ANXA4: variants seen among roughly 807,000 people sequenced by gnomAD.
ANXA4 encodes the protein annexin A4.
A neutral mutation model predicts 49.8 loss-of-function variants in ANXA4; 39 were observed. The ratio of observed to expected loss-of-function variants is 0.78; its 90% CI spans 0.61 to 1.02. ANXA4 has a LOEUF of 1.02. ANXA4 is among the 50% of genes least tolerant of loss of function. The pLI is 0.00. For synonymous variants in ANXA4, 134 were observed against 152.5 expected (o/e 0.88, Z 0.89); for missense variants, 360 against 410.1 (o/e 0.88, Z 1.05).
At chr2:69,687,905 A>G (rs1677844753) in intron 2 of ANXA4, among the ~76,000 whole-genome samples, 2 of 152,258 alleles carry the variant, frequency 1.3e-5, no homozygotes, top group Non-Finnish European at 2.9e-5. Context: ...TTGAGTCCAT[A>G]AACACGTCAG....
At chr2:69,713,492 T>C (rs1369278592) in intron 2 of ANXA4, 1 of 152,202 alleles carries the variant, frequency 6.6e-6, no homozygotes, top group East Asian at 1.9e-4. Context: ...TAAAAACACT[T>C]CTACCATAGC....
intron 3 of ANXA4, among the ~76,000 whole-genome samples, chr2:69,793,500 G>A (rs1471916845): frequency 6.6e-6 from 1 of 151,566 alleles, no homozygotes; most frequent in Non-Finnish European, 1.5e-5. Context: ...TTTTTTAATA[G>A]GCATTACACA....
chr2:69,822,910 A>G (rs994563041), intron 12 of ANXA4, among the ~76,000 whole-genome samples: 2 of 152,058 alleles, frequency 1.3e-5, no homozygotes, highest in South Asian at 4.1e-4. Context: ...GACAAATTAT[A>G]TATATATATT....
rs141876593 is a variant in ANXA4 at position 69,800,354 on chromosome 2, A to G, written c.98-4179A>G. The stretch of plus-strand genomic sequence containing the variant: ...CCATGTTACATTCAGAATTATCAGC[A>G]TAAAGGGTGAGGAGACATTTGGCAC... On this transcript the variant is annotated intron_variant, in intron 3 of 12. Coordinates refer to ENST00000394295, the MANE Select transcript of ANXA4 (RefSeq NM_001153.5). Among the ~76,000 whole-genome samples, 641 of 152,280 alleles carry G rather than the reference A, an allele frequency of 4.2e-3. 5 individuals carry two copies. Among genetic ancestry groups the G allele is most frequent in the African/African-American group, 0.013 (546 of 41,544 alleles).
At chr2:69,725,090 A>G (rs1355678930) in intron 3 of ANXA4, among the ~76,000 whole-genome samples, 2 of 152,136 alleles carry the variant, frequency 1.3e-5, no homozygotes, top group African/African-American at 4.8e-5. Flanking sequence ...AACCCAGGAG[A>G]CGCAGGTCAA....
Position 69,706,594 on chromosome 2 carries a change from G to T in ANXA4, n.767-14180G>T, listed in dbSNP as rs775347664. Among the ~76,000 whole-genome samples the T allele has an allele frequency of 1.4e-4, 21 of 152,126 alleles. 1 individual carries two copies. Among genetic ancestry groups the T allele is most frequent in the Admixed American group, 5.2e-4 (8 of 15,256 alleles). ...TGGGATTACAGGCATGAGCCACCGC[G>T]CCCAGTCGGTACAATTCCTAATAAT... On this transcript the variant is annotated intron_variant and non_coding_transcript_variant, in intron 2 of 3. Transcript: ENST00000418066.
At chr2:69,675,700 A>G (rs1329626534) in intron 2 of ANXA4, among the ~76,000 whole-genome samples, 1 of 152,144 alleles carries the variant, frequency 6.6e-6, no homozygotes, top group Non-Finnish European at 1.5e-5. Context: ...GTGGGGATAG[A>G]TGATGATTCA....
At chr2:69,663,620 G>A (rs1474258511) in intron 2 of ANXA4, among the ~76,000 whole-genome samples, 8 of 151,792 alleles carry the variant, frequency 5.3e-5, no homozygotes, top group African/African-American at 1.7e-4. Flanking sequence ...TCATGCCTGT[G>A]AACAGCCACT....
chr2:69,769,502 AG>A (rs1193843020), intron 1 of ANXA4, among the ~76,000 whole-genome samples: 1 of 152,188 alleles, frequency 6.6e-6, no homozygotes, highest in Non-Finnish European at 1.5e-5. Context: ...ATTGTCCCAG[AG>A]GTTATTGAGT....
rs1283241929 is a variant in ANXA4 at position 69,750,675 on chromosome 2, A to G, written c.-47+8500A>G. 2.0e-5 allele frequency among the ~76,000 whole-genome samples: 3 copies of G among 152,164 alleles called. 1 individual carries two copies. The highest frequency in any genetic ancestry group is 4.1e-4 in the South Asian group (2 of 4,832). On this transcript the variant is annotated intron_variant, in intron 1 of 12. Coordinates refer to ENST00000394295, the MANE Select transcript of ANXA4 (RefSeq NM_001153.5). ...GCCATCTGCCTGCTTCAGCCTCCCA[A>G]AGTGCTGGGATGACAAGCATGAGCC...
chr2:69,713,931 T>C (rs1180919899), intron 2 of ANXA4: 1 of 152,300 alleles, frequency 6.6e-6, no homozygotes, highest in Non-Finnish European at 1.5e-5. Context: ...TCGGACTCCC[T>C]GCCGTGAAGA....
At chr2:69,774,699 G>A (rs1671896326) in intron 1 of ANXA4, among the ~76,000 whole-genome samples, 1 of 152,164 alleles carries the variant, frequency 6.6e-6, no homozygotes, top group Non-Finnish European at 1.5e-5. Context: ...ATATTCAGCA[G>A]ACAAATACCC....
At chr2:69,708,913 T>C (rs1366583754) in intron 2 of ANXA4, among the ~76,000 whole-genome samples, 2 of 149,748 alleles carry the variant, frequency 1.3e-5, no homozygotes, top group African/African-American at 2.5e-5. Context: ...GCTACCAAAC[T>C]TAAAAAAAAA....
intron 3 of ANXA4, among the ~76,000 whole-genome samples, chr2:69,803,925 G>T (rs186879149): frequency 6.3e-4 from 96 of 152,186 alleles, no homozygotes; most frequent in Middle Eastern, 3.4e-3. Flanking sequence ...ATCATTTGAG[G>T]TCAGGAGCTC....
In ANXA4 at chr2:69,742,496, A is replaced by C. The variant is rs1670437816; in HGVS notation, c.-47+321A>C. Among the ~76,000 whole-genome samples the C allele has an allele frequency of 2.0e-5, 3 of 152,352 alleles. No individual in the cohort carries two copies. The South Asian group carries it at 6.2e-4, about 32-fold the overall frequency. ...ATTCAGTCCATGTGCTAGGCTTTGC[A>C]TCAAAAAGAAAGGACCGAGATAATC... On this transcript the variant is annotated intron_variant, in intron 1 of 12. Coordinates refer to ENST00000394295, the MANE Select transcript of ANXA4 (RefSeq NM_001153.5).
chr2:69,661,535 C>T (rs1364564614), intron 2 of ANXA4, among the ~76,000 whole-genome samples: 1 of 152,016 alleles, frequency 6.6e-6, no homozygotes, highest in South Asian at 2.1e-4. Context: ...CTTGTCACTG[C>T]ACTCCAGCCT....
In ANXA4 at chr2:69,804,612, G is replaced by A. The variant is rs768030627; in HGVS notation, c.177G>A (p.Lys59=). 6.2e-7 allele frequency: 1 copy of A among 1,613,226 alleles called. No homozygotes were observed. Among genetic ancestry groups the A allele is most frequent in the African/African-American group, 1.3e-5 (1 of 74,906 alleles). ...AQRQEIRTAY[K]STIGRDLIDD... ...GCCAGGAGATCAGGACAGCCTACAA[G>A]AGCACCATCGGCAGGGTAGGCCACA... Residue 59 remains lysine, a synonymous_variant, in exon 4 of 13, where the codon AAG becomes AAA. Coordinates refer to ENST00000394295, the MANE Select transcript of ANXA4 (RefSeq NM_001153.5).
At chr2:69,740,434 T>TTTTTG (rs1296527029), upstream of ANXA4, among the ~76,000 whole-genome samples, 3 of 151,920 alleles carry the variant, frequency 2.0e-5, no homozygotes, top group Admixed American at 6.6e-5. Flanking sequence ...GACCTTTAAT[T>TTTTTG]TTTTGTTTTG....
intron 4 of ANXA4, among the ~76,000 whole-genome samples, chr2:69,806,094 G>T (rs1161899044): frequency 2.0e-5 from 3 of 152,158 alleles, no homozygotes; most frequent in African/African-American, 7.2e-5. Context: ...TGGGGTATAT[G>T]AAGAAAATCT....
Sources: allele counts gnomAD v4.1 joint callset (sites outside exome capture counted in the v4.1 genomes callset), GRCh38; gene constraint gnomAD v4.1.1; transcripts MANE v1.5; gene names NCBI Gene and HGNC (gene_info 2026-07-23, HGNC 2026-07-21).